The following ZHX3 variants were observed in gnomAD, a reference collection of about 807,000 sequenced individuals.
ZHX3 encodes the protein zinc fingers and homeoboxes protein 3.
In ZHX3, 20 loss-of-function variants were observed where a neutral mutation model predicts 64.5. The ratio of observed to expected loss-of-function variants is 0.31; its 90% CI spans 0.22 to 0.45. The LOEUF (loss-of-function observed/expected upper bound fraction) is 0.45, where lower values mean the gene tolerates loss of function less well. Among genes scored for constraint, ZHX3 ranks in the 20% least tolerant of loss-of-function variants. The pLI is 1.00. For synonymous variants in ZHX3, 423 were observed against 461.6 expected (o/e 0.92, Z 1.07); for missense variants, 1,041 against 1,195.8 (o/e 0.87, Z 1.91).
intron 1 of ZHX3, among the ~76,000 whole-genome samples, chr20:41,309,450 C>A (rs1350284172): frequency 1.3e-5 from 2 of 152,124 alleles, no homozygotes; most frequent in Non-Finnish European, 2.9e-5. Flanking sequence ...CGGGATAGAG[C>A]CTGGAATCTG....
intron 2 of ZHX3, among the ~76,000 whole-genome samples, chr20:41,227,620 G>A (rs1337291107): frequency 6.6e-6 from 1 of 152,138 alleles, no homozygotes; most frequent in East Asian, 1.9e-4. Flanking sequence ...TAAATCAGAA[G>A]TTTCTAAGAG....
chr20:41,237,545 T>C (rs928237132), intron 2 of ZHX3, among the ~76,000 whole-genome samples: 11 of 152,094 alleles, frequency 7.2e-5, no homozygotes, highest in Non-Finnish European at 1.5e-4. Flanking sequence ...TTCTCACTCA[T>C]AGGTGGGAAT....
At chr20:41,305,146 G>A (rs1022470408) in intron 1 of ZHX3, among the ~76,000 whole-genome samples, 1 of 152,220 alleles carries the variant, frequency 6.6e-6, no homozygotes, top group African/African-American at 2.4e-5. Context: ...TAAGGGTCTT[G>A]TCTAGGTTGC....
chr20:41,275,418 G>A (rs1011532137), intron 1 of ZHX3, among the ~76,000 whole-genome samples: 1 of 152,120 alleles, frequency 6.6e-6, no homozygotes, highest in South Asian at 2.1e-4. Flanking sequence ...GGAAGTTTAA[G>A]TTGAAGAGGG....
intron 1 of ZHX3, among the ~76,000 whole-genome samples, chr20:41,304,436 ACT>A (rs1301666395): frequency 6.6e-6 from 1 of 151,970 alleles, no homozygotes; most frequent in Non-Finnish European, 1.5e-5. Flanking sequence ...TCCAGCTCAA[ACT>A]CAACATGGCT....
intron 3 of ZHX3, among the ~76,000 whole-genome samples, chr20:41,191,680 C>G (rs1373598083): frequency 6.6e-6 from 1 of 152,158 alleles, no homozygotes; most frequent in Non-Finnish European, 1.5e-5. Flanking sequence ...CTAGACGTAT[C>G]TATGGTGTTG....
intron 3 of ZHX3, among the ~76,000 whole-genome samples, chr20:41,194,190 G>T (rs1406991202): frequency 6.6e-6 from 1 of 152,086 alleles, no homozygotes; most frequent in Non-Finnish European, 1.5e-5. Flanking sequence ...AAAGTTTTCG[G>T]TCTTTCCCCA....
Position 41,226,378 on chromosome 20 carries a change from A to C in ZHX3, c.-150-21312T>G, listed in dbSNP as rs2040273050. On this transcript the variant is annotated intron_variant, in intron 2 of 3. Transcript: ENST00000683867. The surrounding 1 kb of genome is among the most constrained non-coding windows in gnomAD (Gnocchi z 4.4). ...TTCAAAAACAAAAGAATTTCCTTTC[A>C]TTTTAAGGCTAAGTAATATTCCATG... Among the ~76,000 whole-genome samples the C allele has an allele frequency of 6.6e-6, 1 of 152,048 alleles. No homozygotes were observed. The highest frequency in any genetic ancestry group is 6.6e-5 in the Admixed American group (1 of 15,260).
chr20:41,221,699 G>A (rs565636791), intron 2 of ZHX3, among the ~76,000 whole-genome samples: 39 of 152,314 alleles, frequency 2.6e-4, no homozygotes, highest in African/African-American at 9.4e-4. Context: ...GATATACAGT[G>A]GTCAGAAGAG....
chr20:41,310,928 C>T (rs141574136), intron 1 of ZHX3, among the ~76,000 whole-genome samples: 1 of 151,230 alleles, frequency 6.6e-6, no homozygotes, highest in Non-Finnish European at 1.5e-5. Flanking sequence ...CCTGCCTCAG[C>T]CTCCTGAGTA....
intron 1 of ZHX3, among the ~76,000 whole-genome samples, chr20:41,301,859 C>G (rs1349264113): frequency 6.6e-6 from 1 of 151,556 alleles, no homozygotes; most frequent in East Asian, 1.9e-4. Context: ...TCGAGACCAT[C>G]CCGGCTAAAA....
intron 1 of ZHX3, among the ~76,000 whole-genome samples, chr20:41,294,801 T>C (rs2044423715): frequency 6.6e-6 from 1 of 152,208 alleles, no homozygotes. Flanking sequence ...CTCTGCCTCC[T>C]GGGTTCAGGC....
At chr20:41,189,307 T>C (rs2036803182) in intron 3 of ZHX3, among the ~76,000 whole-genome samples, 1 of 152,240 alleles carries the variant, frequency 6.6e-6, no homozygotes, top group Non-Finnish European at 1.5e-5. Flanking sequence ...TGCTTAGGAT[T>C]GCTTTGACTA....
intron 1 of ZHX3, among the ~76,000 whole-genome samples, chr20:41,304,302 C>T (rs74485490): frequency 0.14 from 21,057 of 152,130 alleles, 1,677 homozygotes; most frequent in Non-Finnish European, 0.17. Context: ...ACACTGGAGA[C>T]TTCCACAGTG....
At chr20:41,303,571 C>G (rs954671171) in intron 1 of ZHX3, among the ~76,000 whole-genome samples, 1 of 152,152 alleles carries the variant, frequency 6.6e-6, no homozygotes, top group South Asian at 2.1e-4. Flanking sequence ...AGCCCCTTGC[C>G]TTCTATAGAC....
chr20:41,204,342 C>A lies in ZHX3; in HGVS notation c.575G>T (p.Gly192Val), dbSNP rs200058524. Residue 192 changes from glycine (G) to valine (V), a missense_variant, in exon 3 of 4, where the codon GGC becomes GTC. By Grantham distance (109) the Gly-to-Val change is moderately radical. This residue lies in a region of ZHX3 where 358 missense variants were observed against 369.1 expected (regional missense o/e 0.97). Coordinates refer to ENST00000683867, the MANE Select transcript of ZHX3 (RefSeq NM_001384317.1). The surrounding 1 kb of genome is among the most constrained non-coding windows in gnomAD (Gnocchi z 6.6). The part of the protein sequence containing the change: ...TKTPIMKIMK[G>V]KAEAKKIHTL... ...ATGAATTTTTTTGGCTTCAGCTTTG[C>A]CTTTCATTATCTTCATGATTGGAGT... 2 of 1,614,192 alleles carry A rather than the reference C, an allele frequency of 1.2e-6. No homozygotes were observed. The highest frequency in any genetic ancestry group is 1.7e-6 in the Non-Finnish European group (2 of 1,180,038).
chr20:41,272,989 C>T (rs892109866), intron 1 of ZHX3, among the ~76,000 whole-genome samples: 1 of 152,152 alleles, frequency 6.6e-6, no homozygotes, highest in African/African-American at 2.4e-5. Context: ...TACATTCCCA[C>T]CAGCAAAGTA....
chr20:41,273,532 T>C (rs2043245943), intron 1 of ZHX3, among the ~76,000 whole-genome samples: 1 of 152,194 alleles, frequency 6.6e-6, no homozygotes, highest in African/African-American at 2.4e-5. Flanking sequence ...TTTGAGTTAA[T>C]TTTAATATGT....
intron 2 of ZHX3, among the ~76,000 whole-genome samples, chr20:41,206,872 G>A (rs151147906): frequency 0.14 from 20,558 of 152,150 alleles, 1,623 homozygotes; most frequent in Non-Finnish European, 0.17. Context: ...TTGAAATGAA[G>A]GAAAAAATGT....
Sources: allele counts gnomAD v4.1 joint callset (sites outside exome capture counted in the v4.1 genomes callset), GRCh38; gene constraint gnomAD v4.1.1; regional missense constraint gnomAD v4.1.1; non-coding constraint Gnocchi (gnomAD v3.1); transcripts MANE v1.5; gene names NCBI Gene and HGNC (gene_info 2026-07-23, HGNC 2026-07-21).